Variants in CRYBG3 observed in about 807,000 individuals in gnomAD.
The protein encoded by CRYBG3 is crystallin beta-gamma domain containing 3.
A neutral mutation model predicts 244.2 loss-of-function variants in CRYBG3; 127 were observed. The observed-to-expected ratio is 0.52, with a 90% CI of 0.45 to 0.60. The LOEUF (loss-of-function observed/expected upper bound fraction) is 0.60. Among genes scored for constraint, CRYBG3 ranks in the 20% least tolerant of loss-of-function variants. CRYBG3 has a pLI of 0.00. For synonymous variants in CRYBG3, 1,132 were observed against 1,195.8 expected, an observed-to-expected ratio of 0.95 and a Z score of 1.10; for missense variants, 3,325 against 3,442.5, an observed-to-expected ratio of 0.97 and a Z score of 0.85.
chr3:97,825,823 A>T (rs1282232486), intron 1 of CRYBG3, among the ~76,000 whole-genome samples: 1 of 152,172 alleles, frequency 6.6e-6, no homozygotes, highest in Non-Finnish European at 1.5e-5. Context: ...TACTGTCAGA[A>T]ATGTCAGTAG....
Position 97,873,168 on chromosome 3 carries a change from C to G in CRYBG3, c.1974C>G (p.Thr658=), listed in dbSNP as rs1284501492. 1 of 1,535,742 alleles carries G rather than the reference C, an allele frequency of 6.5e-7. No individual in the cohort carries two copies. Among genetic ancestry groups the G allele is most frequent in the Non-Finnish European group, 8.7e-7 (1 of 1,146,794 alleles). ...TAAATTTCAGTATTTCACCTCCTAC[C>G]TTTGTTTCTGGAGTTGGGATGCTGA... is the stretch of plus-strand genomic sequence containing the variant. ...KKLNFSISPP[T]FVSGVGMLSK... is the part of the protein sequence containing the mutation. The change falls in exon 4 of 22, where the codon ACC becomes ACG. Residue 658 remains threonine (T), a synonymous_variant. Coordinates refer to ENST00000389622, the MANE Select transcript of CRYBG3 (RefSeq NM_153605.4).
chr3:97,880,897 C>G (rs1315868758), intron 6 of CRYBG3, among the ~76,000 whole-genome samples, 175 bp from the exon 7 acceptor site: 2 of 152,052 alleles, frequency 1.3e-5, no homozygotes, highest in Non-Finnish European at 2.9e-5. Context: ...TTTTTCTTTA[C>G]TGTTCGCCTG....
intron 3 of CRYBG3, among the ~76,000 whole-genome samples, chr3:97,867,957 A>C (rs1415114399): frequency 6.6e-6 from 1 of 152,250 alleles, no homozygotes; most frequent in Non-Finnish European, 1.5e-5. Context: ...GGGAAAAATT[A>C]AAAATTAAAG....
rs80260488 is a variant in CRYBG3, at chr3:97,944,842, A to C, written c.*1528A>C. 893 of 168,394 alleles carry C rather than the reference A, an allele frequency of 5.3e-3. 24 individuals carry two copies. The East Asian group carries it at 0.06, about 11-fold the overall frequency. 10.4% of individuals were successfully genotyped at this position (168,394 alleles called of 1,614,324 possible). ...GTTTGAAATTTTTCTAGAGCCAAAG[A>C]AGCTCTTTAAAGAAGTTGTTTCTTC... On this transcript the variant is annotated 3_prime_UTR_variant, in exon 22 of 22. Transcript: ENST00000389622.
In CRYBG3 at chr3:97,913,914, G is replaced by A. The variant is rs1290561002; in HGVS notation, c.8114+1638G>A. 5.3e-5 allele frequency among the ~76,000 whole-genome samples: 8 copies of A among 152,102 alleles called. 1 individual carries two copies. Among genetic ancestry groups the A allele is most frequent in the South Asian group, 4.1e-4 (2 of 4,826 alleles). The stretch of plus-strand genomic sequence containing the variant: ...GAGTAGATTGCATATGTGCTTTCCA[G>A]CATACCATAATCACCACCATTCCCA... On this transcript the variant is annotated intron_variant, in intron 16 of 21. Transcript: ENST00000389622.
rs1364658768 is a variant in CRYBG3 at position 97,918,984 on chromosome 3, T to C, written c.8241+3248T>C. On this transcript the variant is annotated intron_variant, in intron 17 of 21. Coordinates refer to ENST00000389622, the MANE Select transcript of CRYBG3 (RefSeq NM_153605.4). ...ATAAATTAGGCAGGGGAATAGACTC[T>C]CACTTGGGCAGGGATGAAGTTGACA... Among the ~76,000 whole-genome samples, 4 of 152,186 alleles carry C rather than the reference T, an allele frequency of 2.6e-5. No individual in the cohort carries two copies. The East Asian group carries it at 5.8e-4, about 22-fold the overall frequency.
At chr3:97,834,592 ATTGTC>A (rs1022901987) in intron 1 of CRYBG3, among the ~76,000 whole-genome samples, 1 of 152,088 alleles carries the variant, frequency 6.6e-6, no homozygotes, top group Non-Finnish European at 1.5e-5. Context: ...CTTGCCTTTT[ATTGTC>A]TTGTCAAAGC....
In CRYBG3 at chr3:97,908,329, C is replaced by G. The variant is rs569637278; in HGVS notation, c.8005-3838C>G. Among the ~76,000 whole-genome samples, 6 of 152,222 alleles carry G rather than the reference C, an allele frequency of 3.9e-5. No homozygotes were observed. The South Asian group carries it at 1.2e-3, about 32-fold the overall frequency. On this transcript the variant is annotated intron_variant, in intron 15 of 21. Transcript: ENST00000389622. ...TTGACTTTCAGTCTCGTTGATCTGT[C>G]TAATGTTGACAGTGGGGTGTTAAAG... is the stretch of plus-strand genomic sequence containing the variant.
chr3:97,914,984 C>T (rs929995384), intron 16 of CRYBG3, among the ~76,000 whole-genome samples: 12 of 152,144 alleles, frequency 7.9e-5, no homozygotes, highest in Admixed American at 2.0e-4. Context: ...AGATAACTCA[C>T]TATTGAAGAT....
intron 3 of CRYBG3, among the ~76,000 whole-genome samples, chr3:97,870,406 T>G (rs1321923847): frequency 6.6e-6 from 1 of 152,192 alleles, no homozygotes; most frequent in East Asian, 1.9e-4. Context: ...TTGGTTTTCC[T>G]GTGTTAATTC....
Position 97,845,765 on chromosome 3 carries a change from C to T in CRYBG3, c.216+2504C>T, listed in dbSNP as rs184873616. 4.6e-5 allele frequency among the ~76,000 whole-genome samples: 7 copies of T among 152,358 alleles called. No homozygotes were observed. In the East Asian group the frequency reaches 9.6e-4, roughly 21 times the overall value. ...GCCTTGACTACTACTATCCCTCCATCTTCACTGGCTTCTGATTTGCATCAG... is the reference window on the plus strand; with the variant it reads ...GCCTTGACTACTACTATCCCTCCATTTTCACTGGCTTCTGATTTGCATCAG... On this transcript the variant is annotated intron_variant, in intron 2 of 21. Transcript: ENST00000389622.
At chr3:97,930,863 A>G (rs888807929) in intron 17 of CRYBG3, among the ~76,000 whole-genome samples, 1 of 151,972 alleles carries the variant, frequency 6.6e-6, no homozygotes, top group Non-Finnish European at 1.5e-5. Context: ...TTATTCACAC[A>G]TTTCCTGATT....
At chr3:97,923,798 T>C (rs1231114555) in intron 17 of CRYBG3, among the ~76,000 whole-genome samples, 1 of 152,024 alleles carries the variant, frequency 6.6e-6, no homozygotes, top group Non-Finnish European at 1.5e-5. Context: ...TAAAAACTCT[T>C]GAAGGAAGTA....
chr3:97,827,160 TC>T (rs2038588967), intron 1 of CRYBG3, among the ~76,000 whole-genome samples: 1 of 152,016 alleles, frequency 6.6e-6, no homozygotes, highest in Admixed American at 6.5e-5. Flanking sequence ...GAATCAACAT[TC>T]CAAAAAAGTG....
Position 97,877,466 on chromosome 3 carries a change from A to T in CRYBG3, c.6272A>T (p.Asp2091Val), listed in dbSNP as rs570350602. The T allele has an allele frequency of 6.2e-7, 1 of 1,614,182 alleles. No individual in the cohort carries two copies. Among genetic ancestry groups the T allele is most frequent in the South Asian group, 1.1e-5 (1 of 91,080 alleles). Residue 2091 changes from aspartate (D) to valine (V), a missense_variant, in exon 4 of 22, where the codon GAT becomes GTT. Asp to Val is a radical substitution (Grantham distance 152). Coordinates refer to ENST00000389622, the MANE Select transcript of CRYBG3 (RefSeq NM_153605.4). The stretch of plus-strand genomic sequence containing the variant: ...TTAGCATTGTCTCCCATTTATGAGG[A>T]TGACAGCTCACAGGAGGACATTCTA... ...YPLALSPIYEDDSSQEDILSS... is the reference protein window; with the variant it reads ...YPLALSPIYEVDSSQEDILSS...
rs535637667 is a variant in CRYBG3 at position 97,868,611 on chromosome 3, A to C, written c.648-3231A>C. On this transcript the variant is annotated intron_variant, in intron 3 of 21. Transcript: ENST00000389622. The stretch of plus-strand genomic sequence containing the variant: ...CAGTGCATGTAACTTAATATAAATT[A>C]ACTTAACCAACTTCTTGAAAGTACT... Among the ~76,000 whole-genome samples the C allele has an allele frequency of 3.3e-5, 5 of 152,302 alleles. No individual in the cohort carries two copies. In the South Asian group the frequency reaches 1.0e-3, roughly 32 times the overall value.
At chr3:97,829,297 A>G (rs1046773590) in intron 1 of CRYBG3, among the ~76,000 whole-genome samples, 9 of 152,256 alleles carry the variant, frequency 5.9e-5, no homozygotes, top group Non-Finnish European at 1.5e-5. Flanking sequence ...TTGTACAAGT[A>G]GGAGTGAGAC....
chr3:97,915,472 G>T (rs910503227), intron 16 of CRYBG3, 138 bp from the exon 17 acceptor site: 3 of 752,264 alleles, frequency 4.0e-6, no homozygotes, highest in Non-Finnish European at 6.1e-6. Flanking sequence ...TGTGTTTTTT[G>T]TTTTTTTAAA....
intron 15 of CRYBG3, among the ~76,000 whole-genome samples, chr3:97,904,686 A>AT (rs1360878804): frequency 6.8e-6 from 1 of 147,136 alleles, no homozygotes; most frequent in East Asian, 2.1e-4. Flanking sequence ...TTTATTTTTT[A>AT]TTTTTTTATT....
Sources: allele counts gnomAD v4.1 joint callset (sites outside exome capture counted in the v4.1 genomes callset), GRCh38; gene constraint gnomAD v4.1.1; transcripts MANE v1.5; gene names NCBI Gene and HGNC (gene_info 2026-07-23, HGNC 2026-07-21).